Variants in PTPRM observed in about 807,000 individuals in gnomAD.
PTPRM encodes receptor-type tyrosine-protein phosphatase mu.
In PTPRM, 47 loss-of-function variants were observed where a neutral mutation model predicts 186.7. The observed-to-expected ratio is 0.25, with a 90% CI of 0.20 to 0.32. The LOEUF is 0.32. Among genes scored for constraint, PTPRM ranks in the 10% least tolerant of loss-of-function variants. The pLI, the probability that PTPRM is intolerant of heterozygous loss-of-function variation, is 1.00. For synonymous variants in PTPRM, 668 were observed against 674.9 expected (o/e 0.99, Z 0.16); for missense variants, 1,494 against 1,865.0 (o/e 0.80, Z 3.66).
chr18:8,389,594 C>G lies in PTPRM; in HGVS notation c.4208+2359C>G, dbSNP rs9959014. Among the ~76,000 whole-genome samples, 852 of 152,356 alleles carry G rather than the reference C, an allele frequency of 5.6e-3. 6 individuals are homozygous for G. The highest frequency in any genetic ancestry group is 0.019 in the African/African-American group (808 of 41,588). On this transcript the variant is annotated intron_variant, in intron 31 of 32. Coordinates refer to ENST00000580170, the MANE Select transcript of PTPRM (RefSeq NM_001105244.2). The stretch of plus-strand genomic sequence containing the variant: ...CTCCCCCCTCCCTAAAGCCCCGCCT[C>G]TGTTCATGTGGGGCTGTCTCTTGCT...
At chr18:7,640,907 T>C (rs1355828373) in intron 1 of PTPRM, among the ~76,000 whole-genome samples, 4 of 152,174 alleles carry the variant, frequency 2.6e-5, no homozygotes, top group African/African-American at 9.7e-5. Context: ...AATAGAGCCT[T>C]TGGCTACAGT....
At chr18:8,229,284 C>T (rs942526587) in intron 14 of PTPRM, among the ~76,000 whole-genome samples, 10 of 152,058 alleles carry the variant, frequency 6.6e-5, no homozygotes, top group Non-Finnish European at 1.5e-4. Context: ...TGCCCAGGAG[C>T]ATAGTAAAAT....
chr18:7,947,012 C>T (rs996143093), intron 5 of PTPRM: 2 of 456,078 alleles, frequency 4.4e-6, no homozygotes, highest in Non-Finnish European at 8.8e-6. Flanking sequence ...ATATGGGAGG[C>T]CTTGTGGTTT....
chr18:7,790,058 C>T (rs994779992), intron 2 of PTPRM, among the ~76,000 whole-genome samples: 1 of 152,164 alleles, frequency 6.6e-6, no homozygotes, highest in Admixed American at 6.5e-5. Flanking sequence ...TTCTTTGCTC[C>T]TTCACTGGGG....
Position 7,842,947 on chromosome 18 carries a change from T to TATATATAGAGAGAGAGAG in PTPRM, c.197-45158_197-45157insTATATAGAGAGAGAGAGA, listed in dbSNP as rs370746043. Among the ~76,000 whole-genome samples the TATATATAGAGAGAGAGAG allele has an allele frequency of 1.0e-3, 117 of 112,108 alleles. 2 individuals are homozygous for TATATATAGAGAGAGAGAG. Among genetic ancestry groups the TATATATAGAGAGAGAGAG allele is most frequent in the East Asian group, 5.6e-3 (18 of 3,214 alleles). The allele number at this position is 112,108 out of a possible 152,430, so 73.5% of individuals were successfully genotyped here. A position where few individuals can be genotyped will look rare whatever the true frequency, so the allele number is the denominator to read the frequency against. ...GTGTGTGTGTATATATATATATATA[T>TATATATAGAGAGAGAGAG]AGAGAGAGAGAGAGAGAGAGAGAGA... On this transcript the variant is annotated intron_variant, in intron 2 of 32. Transcript: ENST00000580170.
chr18:7,728,087 C>G (rs1442150021), intron 1 of PTPRM, among the ~76,000 whole-genome samples: 2 of 152,182 alleles, frequency 1.3e-5, no homozygotes, highest in Non-Finnish European at 2.9e-5. Flanking sequence ...CCAAGTTCTT[C>G]AAGTTTTACT....
intron 1 of PTPRM, among the ~76,000 whole-genome samples, chr18:7,617,912 C>T (rs567738307): frequency 3.3e-5 from 5 of 152,172 alleles, no homozygotes; most frequent in South Asian, 2.1e-4. Context: ...CCTGGACTTT[C>T]GGTTTTGTGT....
At chr18:8,320,777 C>G (rs1413199404) in intron 22 of PTPRM, among the ~76,000 whole-genome samples, 1 of 152,202 alleles carries the variant, frequency 6.6e-6, no homozygotes, top group Non-Finnish European at 1.5e-5. Context: ...GTCTAGATGA[C>G]CTGCTGGAGC....
intron 14 of PTPRM, among the ~76,000 whole-genome samples, chr18:8,212,718 G>T (rs979675607): frequency 2.0e-5 from 3 of 152,116 alleles, no homozygotes; most frequent in African/African-American, 7.2e-5. Flanking sequence ...GAGGCAGAAG[G>T]ATCACTTGAG....
At chr18:7,949,107 C>A in intron 5 of PTPRM, 74 bp from the exon 6 acceptor site, 1 of 1,372,956 alleles carries the variant, frequency 7.3e-7, no homozygotes, top group Non-Finnish European at 1.0e-6. Context: ...GATAATATAC[C>A]ATTGGGTGTC....
At chr18:8,122,658 T>G (rs1483002032) in intron 13 of PTPRM, among the ~76,000 whole-genome samples, 1 of 152,204 alleles carries the variant, frequency 6.6e-6, no homozygotes, top group Non-Finnish European at 1.5e-5. Context: ...TAAAGATATA[T>G]TCCTAGTTTT....
intron 9 of PTPRM, 84 bp from the exon 10 acceptor site, chr18:8,085,587 A>C: frequency 1.7e-6 from 2 of 1,177,936 alleles, no homozygotes; most frequent in Non-Finnish European, 2.5e-6. Context: ...CTGACAGTGC[A>C]TACATCAGAA....
Position 7,659,518 on chromosome 18 carries a change from G to A in PTPRM, c.73+91627G>A, listed in dbSNP as rs146240771. On this transcript the variant is annotated intron_variant, in intron 1 of 32. Coordinates refer to ENST00000580170, the MANE Select transcript of PTPRM (RefSeq NM_001105244.2). ...GTCTCCTTTCCTGAAGTGAAAGGAA[G>A]CTCCAAGTGAGGACAGGCCTGGCTT... 5.9e-5 allele frequency among the ~76,000 whole-genome samples: 9 copies of A among 152,262 alleles called. No homozygotes were observed. The East Asian group carries it at 1.7e-3, about 29-fold the overall frequency.
chr18:8,253,321 G>C lies in PTPRM; in HGVS notation c.2661G>C (p.Gly887=). Residue 887 remains glycine (G), a synonymous_variant, in exon 19 of 33, where the codon GGG becomes GGC. Transcript: ENST00000580170. ...REPADVPYQT[G]QLHPAIRVAD... ...CGGCCGACGTGCCCTATCAGACTGG[G>C]CAGCTCCACCCCGCCATCCGGGTGG... 6.3e-7 allele frequency: 1 copy of C among 1,598,194 alleles called. No homozygotes were observed. The highest frequency in any genetic ancestry group is 8.5e-7 in the Non-Finnish European group (1 of 1,172,494).
At chr18:7,785,042 A>G (rs1480420208) in intron 2 of PTPRM, among the ~76,000 whole-genome samples, 1 of 152,138 alleles carries the variant, frequency 6.6e-6, no homozygotes, top group Non-Finnish European at 1.5e-5. Context: ...GTGTAAAGGC[A>G]GTGAGGGGTG....
At chr18:7,571,150 C>T (rs1228051600) in intron 1 of PTPRM, among the ~76,000 whole-genome samples, 1 of 152,020 alleles carries the variant, frequency 6.6e-6, no homozygotes, top group African/African-American at 2.4e-5. Context: ...CCATGTTGGC[C>T]AGGATGGTCT....
intron 2 of PTPRM, among the ~76,000 whole-genome samples, chr18:7,884,924 CAA>C (rs56724615): frequency 5.8e-3 from 220 of 37,806 alleles, no homozygotes; most frequent in African/African-American, 0.019. Context: ...AGCTCCATCT[CAA>C]AAAAAAAAAA....
intron 23 of PTPRM, among the ~76,000 whole-genome samples, chr18:8,367,600 C>CG (rs1388839235): frequency 6.6e-6 from 1 of 152,246 alleles, no homozygotes; most frequent in Non-Finnish European, 1.5e-5. Flanking sequence ...CATCCGGCCG[C>CG]GGGGGACCAG....
chr18:8,220,174 T>C (rs971054248), intron 14 of PTPRM, among the ~76,000 whole-genome samples: 1 of 152,032 alleles, frequency 6.6e-6, no homozygotes, highest in Non-Finnish European at 1.5e-5. Flanking sequence ...TGGTGAGAAT[T>C]AAAGGGGAAG....
Sources: gnomAD v4.1 joint callset for allele counts (sites outside exome capture counted in the v4.1 genomes callset) on GRCh38, gnomAD v4.1.1 for gene constraint, MANE v1.5 for transcripts, NCBI Gene and HGNC (gene_info 2026-07-23, HGNC 2026-07-21) for gene names.